The following FNIP2 variants were observed in gnomAD, a reference collection of about 807,000 sequenced individuals.
The protein encoded by FNIP2 is folliculin-interacting protein 2.
FNIP2 carries 32 observed loss-of-function variants against 108.7 expected under a neutral mutation model. The observed-to-expected ratio is 0.29, with a 90% confidence interval of 0.22 to 0.40. FNIP2 has a LOEUF of 0.40. FNIP2 is among the 10% of genes least tolerant of loss of function. The probability of loss-of-function intolerance (pLI) is 1.00; values close to 1 mark genes in which losing one functional copy is unlikely to be tolerated. For missense variants in FNIP2, 1,202 were observed against 1,381.6 expected (o/e 0.87, Z 2.06); for synonymous variants, 480 against 496.7 (o/e 0.97, Z 0.45).
rs1227486187 is a variant in FNIP2 at position 158,819,636 on chromosome 4, A to C, written c.108-6280A>C. ...TACTAACATAGCAAAAGATAAATGA[A>C]TTCCAAATCTGTTACTGCCATCTAT... On this transcript the variant is annotated intron_variant, in intron 1 of 16. Transcript: ENST00000264433. Among the ~76,000 whole-genome samples, 3 of 152,380 alleles carry C rather than the reference A, an allele frequency of 2.0e-5. No individual in the cohort carries two copies. The East Asian group carries it at 5.8e-4, about 29-fold the overall frequency.
At chr4:158,903,183 T>G (rs1729504692) in intron 16 of FNIP2, among the ~76,000 whole-genome samples, 3 of 152,182 alleles carry the variant, frequency 2.0e-5, no homozygotes, top group African/African-American at 7.2e-5. Context: ...GTATCCAGAC[T>G]GCAGTGCAGA....
chr4:158,884,088 C>T (rs992771325), intron 14 of FNIP2, among the ~76,000 whole-genome samples: 2 of 151,598 alleles, frequency 1.3e-5, no homozygotes, highest in African/African-American at 4.9e-5. Context: ...CATTTCCTCA[C>T]TCTTCATTGG....
chr4:158,883,565 C>T (rs1263877088), intron 14 of FNIP2, among the ~76,000 whole-genome samples: 5 of 152,180 alleles, frequency 3.3e-5, no homozygotes, highest in Admixed American at 2.0e-4. Flanking sequence ...AAAGAGGCTT[C>T]CCAGTGGCTT....
At chr4:158,874,964 G>C (rs934346410) in intron 14 of FNIP2, among the ~76,000 whole-genome samples, 1 of 151,090 alleles carries the variant, frequency 6.6e-6, no homozygotes, top group Non-Finnish European at 1.5e-5. Flanking sequence ...GCGGGTGCCT[G>C]TAGTCCCAGC....
At chr4:158,805,078 GAA>G (rs1776896207) in intron 1 of FNIP2, among the ~76,000 whole-genome samples, 1 of 152,196 alleles carries the variant, frequency 6.6e-6, no homozygotes, top group South Asian at 2.1e-4. Flanking sequence ...CTCATGGAGT[GAA>G]ATGTGTGGAT....
intron 7 of FNIP2, among the ~76,000 whole-genome samples, chr4:158,846,041 C>T (rs759544881): frequency 2.0e-5 from 3 of 151,994 alleles, no homozygotes; most frequent in Non-Finnish European, 2.9e-5. Context: ...TCTAGTACAC[C>T]AAGTTGTCTT....
Position 158,769,287 on chromosome 4 carries a change from G to C in FNIP2, c.75G>C (p.Gln25His). 1 of 1,538,742 alleles carries C rather than the reference G, an allele frequency of 6.5e-7. No homozygotes were observed. The part of the protein sequence containing the change: ...SSGSSAAASA[Q>H]GRAPKEGPAF... Reference sequence around the variant, plus strand: ...GCAGCTCCGCGGCGGCGTCTGCCCAGGGCAGGGCTCCTAAGGAAGGACCCG... The same window carrying C: ...GCAGCTCCGCGGCGGCGTCTGCCCACGGCAGGGCTCCTAAGGAAGGACCCG... Residue 25 changes from glutamine to histidine, a missense_variant, in exon 1 of 17, where the codon CAG becomes CAC. Gln to His is a conservative substitution (Grantham distance 24, BLOSUM62 0). Coordinates refer to ENST00000264433, the MANE Select transcript of FNIP2 (RefSeq NM_020840.3).
intron 1 of FNIP2, among the ~76,000 whole-genome samples, chr4:158,798,386 A>T (rs907572901): frequency 6.6e-6 from 1 of 152,154 alleles, no homozygotes; most frequent in Non-Finnish European, 1.5e-5. Context: ...TTCTTAATCC[A>T]AGTCTTTACT....
chr4:158,871,951 A>G (rs1780977396), intron 14 of FNIP2: 2 of 984,654 alleles, frequency 2.0e-6, no homozygotes, highest in Non-Finnish European at 2.4e-6. Flanking sequence ...ACATTAAGGC[A>G]CCTTTTCTGT....
intron 1 of FNIP2, among the ~76,000 whole-genome samples, chr4:158,790,490 C>T (rs778518504): frequency 2.0e-4 from 31 of 152,036 alleles, no homozygotes; most frequent in Admixed American, 1.8e-3. Flanking sequence ...TGGTGGCTCA[C>T]GTCTGTAATC....
Position 158,831,865 on chromosome 4 carries a change from C to T in FNIP2, c.386C>T (p.Thr129Ile). Reference protein sequence around the residue: ...AKEQLPKYQYTRPASDVNMLG... With the variant: ...AKEQLPKYQYIRPASDVNMLG... The stretch of plus-strand genomic sequence containing the variant: ...ATTTTGTTTTCTTGCATGTAGTACA[C>T]AAGACCAGCTTCCGATGTCAACATG... Residue 129 changes from threonine to isoleucine, a missense_variant, in exon 4 of 17, where the codon ACA becomes ATA. Physicochemically the swap from Thr to Ile is moderately conservative, Grantham distance 89. Transcript: ENST00000264433. 1 of 1,609,450 alleles carries T rather than the reference C, an allele frequency of 6.2e-7. No homozygotes were observed. The highest frequency in any genetic ancestry group is 8.5e-7 in the Non-Finnish European group (1 of 1,177,448).
chr4:158,890,139 T>A, intron 14 of FNIP2: 1 of 985,112 alleles, frequency 1.0e-6, no homozygotes, highest in Non-Finnish European at 1.2e-6. Context: ...CTTTATCAAA[T>A]TCTTTATCTC....
intron 14 of FNIP2, among the ~76,000 whole-genome samples, chr4:158,884,275 A>T (rs777177206): frequency 2.0e-5 from 3 of 152,166 alleles, no homozygotes; most frequent in Non-Finnish European, 4.4e-5. Flanking sequence ...GCTAGAATGT[A>T]TTAGATATTT....
chr4:158,835,498 G>T (rs755734382), intron 7 of FNIP2, 22 bp downstream of exon 7: 3 of 1,602,896 alleles, frequency 1.9e-6, no homozygotes, highest in Non-Finnish European at 2.6e-6. Flanking sequence ...CTGTTTATTG[G>T]TTTAACTAAC....
intron 7 of FNIP2, among the ~76,000 whole-genome samples, chr4:158,851,014 C>T (rs1325685856): frequency 2.0e-5 from 3 of 152,106 alleles, no homozygotes; most frequent in African/African-American, 7.2e-5. Flanking sequence ...TAGTCTCCCC[C>T]TGCTGGATAT....
intron 8 of FNIP2, among the ~76,000 whole-genome samples, chr4:158,856,405 A>G (rs1384316663): frequency 2.0e-5 from 3 of 152,226 alleles, no homozygotes; most frequent in Non-Finnish European, 4.4e-5. Context: ...TTAATTATTT[A>G]TGATCTTGAA....
intron 12 of FNIP2, 26 bp downstream of exon 12, chr4:158,861,802 A>G: frequency 6.2e-7 from 1 of 1,612,384 alleles, no homozygotes; most frequent in Non-Finnish European, 8.5e-7. Flanking sequence ...GACTATTCAG[A>G]GAATATATGG....
intron 12 of FNIP2, among the ~76,000 whole-genome samples, chr4:158,867,621 C>A (rs1354010065): frequency 6.6e-6 from 1 of 152,204 alleles, no homozygotes; most frequent in East Asian, 1.9e-4. Context: ...GTGTAGACCA[C>A]CTCATTAAGT....
chr4:158,824,537 C>T (rs577819382), intron 1 of FNIP2, among the ~76,000 whole-genome samples: 45 of 152,080 alleles, frequency 3.0e-4, no homozygotes, highest in Non-Finnish European at 5.6e-4. Flanking sequence ...CCCTTTCCCC[C>T]ACCTCTGCTG....
Sources: allele counts gnomAD v4.1 joint callset (sites outside exome capture counted in the v4.1 genomes callset), GRCh38; gene constraint gnomAD v4.1.1; transcripts MANE v1.5; gene names NCBI Gene and HGNC (gene_info 2026-07-23, HGNC 2026-07-21).